The following GRXCR1 variants were observed in gnomAD, a reference collection of about 807,000 sequenced individuals.
The protein encoded by GRXCR1 is glutaredoxin domain-containing cysteine-rich protein 1.
Under a neutral mutation model 27.3 loss-of-function variants are expected in GRXCR1, and 27 were observed. That is an observed-to-expected ratio of 0.99 (90% CI 0.73 to 1.37). The LOEUF (loss-of-function observed/expected upper bound fraction) is 1.37, where lower values mean the gene tolerates loss of function less well. Ranked by LOEUF, GRXCR1 falls within the 40% of genes most tolerant of loss-of-function variation. The pLI, the probability that GRXCR1 is intolerant of heterozygous loss-of-function variation, is 0.00. For missense variants in GRXCR1, 379 were observed against 354.4 expected, an observed-to-expected ratio of 1.07 and a Z score of -0.56; for synonymous variants, 122 against 131.1, an observed-to-expected ratio of 0.93 and a Z score of 0.47.
chr4:42,936,250 A>G (rs935282497), intron 1 of GRXCR1, among the ~76,000 whole-genome samples: 17 of 151,932 alleles, frequency 1.1e-4, no homozygotes, highest in African/African-American at 3.9e-4. Flanking sequence ...ATTTGCTGAC[A>G]TCTGAGACCA....
At chr4:42,981,758 T>C (rs1161413573) in intron 2 of GRXCR1, among the ~76,000 whole-genome samples, 1 of 152,150 alleles carries the variant, frequency 6.6e-6, no homozygotes, top group Non-Finnish European at 1.5e-5. Flanking sequence ...TCATCCCCAC[T>C]CTCTCCTTGT....
intron 1 of GRXCR1, among the ~76,000 whole-genome samples, chr4:42,904,445 A>G (rs919065095): frequency 6.6e-6 from 1 of 152,184 alleles, no homozygotes; most frequent in African/African-American, 2.4e-5. Context: ...AGTGTCTTAA[A>G]TAATTACTGT....
intron 1 of GRXCR1, among the ~76,000 whole-genome samples, chr4:42,921,923 G>T (rs1318804267): frequency 6.6e-6 from 1 of 151,950 alleles, no homozygotes; most frequent in Non-Finnish European, 1.5e-5. Context: ...TGCCTGTGTT[G>T]CAGGAAGGAG....
intron 1 of GRXCR1, among the ~76,000 whole-genome samples, chr4:42,896,650 G>A (rs567899588): frequency 1.7e-4 from 26 of 152,194 alleles, no homozygotes; most frequent in Middle Eastern, 3.4e-3. Context: ...GGAAATAGGC[G>A]TTTACTAGAA....
At chr4:43,025,004 T>C (rs1321035060) in intron 3 of GRXCR1, among the ~76,000 whole-genome samples, 1 of 152,164 alleles carries the variant, frequency 6.6e-6, no homozygotes, top group Admixed American at 6.5e-5. Flanking sequence ...TTTGATGATC[T>C]GAGGTTAAAA....
At chr4:42,918,181 C>A (rs1371376214) in intron 1 of GRXCR1, among the ~76,000 whole-genome samples, 1 of 151,986 alleles carries the variant, frequency 6.6e-6, no homozygotes, top group East Asian at 1.9e-4. Flanking sequence ...CAATATGGCA[C>A]CTCATCTAGA....
At chr4:42,954,055 G>A (rs1747945406) in intron 1 of GRXCR1, among the ~76,000 whole-genome samples, 1 of 152,058 alleles carries the variant, frequency 6.6e-6, no homozygotes, top group Admixed American at 6.6e-5. Flanking sequence ...AAATATTTAT[G>A]GAGTATCCAT....
intron 2 of GRXCR1, among the ~76,000 whole-genome samples, chr4:43,012,671 A>C (rs887440415): frequency 2.6e-5 from 4 of 152,284 alleles, no homozygotes; most frequent in Admixed American, 1.3e-4. Flanking sequence ...TATAAACATT[A>C]TTATACCCAT....
chr4:42,896,763 G>T lies in GRXCR1; in HGVS notation c.384+3113G>T, dbSNP rs76470953. Reference sequence around the variant, plus strand: ...CCCAAGGGTAAATAAAAATATTAATGTTCCTTATCTCTTCAATATTTAATA... The same window carrying T: ...CCCAAGGGTAAATAAAAATATTAATTTTCCTTATCTCTTCAATATTTAATA... On this transcript the variant is annotated intron_variant, in intron 1 of 3. Transcript: ENST00000399770. 1.2e-3 allele frequency among the ~76,000 whole-genome samples: 176 copies of T among 152,098 alleles called. 2 individuals are homozygous for T. In the East Asian group the frequency reaches 0.031, roughly 26 times the overall value.
chr4:42,924,033 A>G (rs1168968532), intron 1 of GRXCR1, among the ~76,000 whole-genome samples: 1 of 152,116 alleles, frequency 6.6e-6, no homozygotes, highest in Non-Finnish European at 1.5e-5. Flanking sequence ...TGATTGTGAT[A>G]CTAAAGTTGA....
chr4:43,003,738 G>T (rs576672886), intron 2 of GRXCR1, among the ~76,000 whole-genome samples: 2 of 152,310 alleles, frequency 1.3e-5, no homozygotes, highest in East Asian at 3.9e-4. Context: ...AAGCATTCAA[G>T]AAATTGCCTG....
chr4:43,003,774 A>G (rs946836852), intron 2 of GRXCR1, among the ~76,000 whole-genome samples: 3 of 152,232 alleles, frequency 2.0e-5, no homozygotes, highest in African/African-American at 7.2e-5. Context: ...ATACAATCAC[A>G]TGCATTCACA....
intron 1 of GRXCR1, among the ~76,000 whole-genome samples, chr4:42,958,399 C>T (rs1333528936): frequency 6.6e-6 from 1 of 152,032 alleles, no homozygotes; most frequent in South Asian, 2.1e-4. Flanking sequence ...TTATCCTATA[C>T]CACATATTCA....
At chr4:42,905,654 A>G (rs1336605237) in intron 1 of GRXCR1, among the ~76,000 whole-genome samples, 1 of 152,198 alleles carries the variant, frequency 6.6e-6, no homozygotes, top group Non-Finnish European at 1.5e-5. Flanking sequence ...CATAGCTTAC[A>G]GCCAGACCAG....
At chr4:42,999,366 C>T (rs575100864) in intron 2 of GRXCR1, among the ~76,000 whole-genome samples, 1 of 152,350 alleles carries the variant, frequency 6.6e-6, no homozygotes, top group South Asian at 2.1e-4. Context: ...ACAGCTTCCA[C>T]TTAAACATGA....
intron 1 of GRXCR1, among the ~76,000 whole-genome samples, chr4:42,943,252 A>C (rs74848894): frequency 0.01 from 1,592 of 152,226 alleles, 30 homozygotes; most frequent in African/African-American, 0.037. Flanking sequence ...TTGTTCAATA[A>C]ATAGTTATTT....
At chr4:42,945,955 ATGT>A (rs2109765782) in intron 1 of GRXCR1, among the ~76,000 whole-genome samples, 1 of 152,230 alleles carries the variant, frequency 6.6e-6, no homozygotes, top group African/African-American at 2.4e-5. Flanking sequence ...CCTTCTCTAT[ATGT>A]TGTTAAAATG....
At chr4:43,003,585 C>T (rs534413037) in intron 2 of GRXCR1, among the ~76,000 whole-genome samples, 3 of 152,306 alleles carry the variant, frequency 2.0e-5, no homozygotes, top group African/African-American at 7.2e-5. Flanking sequence ...TGAGAAACTT[C>T]TTGAGAACTG....
At chr4:42,965,040 A>C (rs1748206707) in intron 2 of GRXCR1, among the ~76,000 whole-genome samples, 1 of 152,042 alleles carries the variant, frequency 6.6e-6, no homozygotes, top group Admixed American at 6.6e-5. Flanking sequence ...CACAGGTATA[A>C]AGTTGGCTGT....
Sources: allele counts gnomAD v4.1 joint callset (sites outside exome capture counted in the v4.1 genomes callset), GRCh38; gene constraint gnomAD v4.1.1; transcripts MANE v1.5; gene names NCBI Gene and HGNC (gene_info 2026-07-23, HGNC 2026-07-21).